Variants in FMN1 observed in about 807,000 individuals in gnomAD.
FMN1 encodes the protein formin-1.
In FMN1, 110 loss-of-function variants were observed where a neutral mutation model predicts 132.4. The ratio of observed to expected loss-of-function variants is 0.83; its 90% confidence interval spans 0.71 to 0.97. FMN1 has a LOEUF of 0.97. Among genes scored for constraint, FMN1 ranks in the 50% least tolerant of loss-of-function variants. The probability of loss-of-function intolerance (pLI) is 0.00; values close to 1 mark genes in which losing one functional copy is unlikely to be tolerated. For synonymous variants in FMN1, 722 were observed against 651.7 expected (o/e 1.11, Z -1.64); for missense variants, 1,792 against 1,705.3 (o/e 1.05, Z -0.90).
At chr15:32,870,406 G>A (rs1436385599) in intron 16 of FMN1, among the ~76,000 whole-genome samples, 1 of 152,206 alleles carries the variant, frequency 6.6e-6, no homozygotes, top group African/African-American at 2.4e-5. Flanking sequence ...CACTGAGGGA[G>A]GCTGCCCAAG....
intron 4 of FMN1, among the ~76,000 whole-genome samples, chr15:33,096,598 A>G (rs548008690): frequency 1.1e-4 from 17 of 151,108 alleles, no homozygotes; most frequent in Non-Finnish European, 2.5e-4. Flanking sequence ...CTCCCAACAA[A>G]TCTACTTTTT....
chr15:33,002,896 G>A (rs1480234840), intron 7 of FMN1, among the ~76,000 whole-genome samples: 1 of 152,146 alleles, frequency 6.6e-6, no homozygotes, highest in Non-Finnish European at 1.5e-5. Flanking sequence ...TAAAACTACA[G>A]CTAAGTGTTC....
At chr15:33,015,372 A>C (rs977256803) in intron 6 of FMN1, among the ~76,000 whole-genome samples, 1 of 152,180 alleles carries the variant, frequency 6.6e-6, no homozygotes, top group Non-Finnish European at 1.5e-5. Context: ...TGTGAATTTC[A>C]ATGGCTGGCA....
At chr15:33,004,438 A>G (rs1283658116) in intron 7 of FMN1, among the ~76,000 whole-genome samples, 1 of 152,210 alleles carries the variant, frequency 6.6e-6, no homozygotes, top group Non-Finnish European at 1.5e-5. Flanking sequence ...CACATGAAAA[A>G]ATGCTCACCA....
intron 6 of FMN1, among the ~76,000 whole-genome samples, chr15:33,016,816 A>G (rs1463548153): frequency 1.3e-5 from 2 of 152,158 alleles, no homozygotes; most frequent in African/African-American, 4.8e-5. Flanking sequence ...AAAGGCTTTG[A>G]CGCAGGAGAT....
chr15:33,096,439 G>A (rs980753762), intron 4 of FMN1, among the ~76,000 whole-genome samples: 5 of 152,088 alleles, frequency 3.3e-5, no homozygotes, highest in African/African-American at 9.7e-5. Context: ...GCTAAGAAAT[G>A]GCCTCTATAA....
chr15:33,048,644 A>AAAAAAAAAAAAAACAAAAAAAACAAAAAC, intron 6 of FMN1, among the ~76,000 whole-genome samples: 1 of 86,920 alleles, frequency 1.2e-5, no homozygotes, highest in Non-Finnish European at 2.4e-5. Context: ...AAAAAAAAAA[A>AAAAAAAAAAAAAACAAAAAAAACAAAAAC]AAAAACCAAC....
chr15:32,838,681 A>G (rs1458294350), intron 17 of FMN1, among the ~76,000 whole-genome samples: 1 of 152,236 alleles, frequency 6.6e-6, no homozygotes, highest in Non-Finnish European at 1.5e-5. Flanking sequence ...ATATTACCCT[A>G]CAGATCTCTA....
At chr15:32,976,671 T>A (rs1047618857) in intron 7 of FMN1, among the ~76,000 whole-genome samples, 1 of 152,178 alleles carries the variant, frequency 6.6e-6, no homozygotes, top group African/African-American at 2.4e-5. Context: ...ATTTGACACA[T>A]TTCTGTAATT....
At chr15:32,949,942 T>TATATATATATATATATATATATACAC (rs2061589419) in intron 9 of FMN1, among the ~76,000 whole-genome samples, 3 of 41,796 alleles carry the variant, frequency 7.2e-5, no homozygotes, top group Non-Finnish European at 9.0e-5. Context: ...CCAAAAAGCA[T>TATATATATATATATATATATATACAC]ATATATATAT....
rs779170587 is a variant in FMN1, at chr15:32,969,265, G to A, written c.2436C>T (p.Phe812=). 3 of 1,613,964 alleles carry A rather than the reference G, an allele frequency of 1.9e-6. No individual in the cohort carries two copies. The highest frequency in any genetic ancestry group is 1.1e-5 in the South Asian group (1 of 91,080). The change falls in exon 8 of 21, where the codon TTC becomes TTT. Residue 812 remains phenylalanine, a synonymous_variant. Coordinates refer to ENST00000616417, the MANE Select transcript of FMN1 (RefSeq NM_001277313.2). ...TGCTTTCACTTTCACAGGGCTTGAG[G>A]AAGGTCTCTCTGTCTGTCTGGACGC... ...NVCVQTDRET[F]LKPCESESKT... is the part of the protein sequence containing the mutation.
chr15:32,826,273 G>C (rs967996441), intron 17 of FMN1, among the ~76,000 whole-genome samples: 14 of 152,140 alleles, frequency 9.2e-5, no homozygotes, highest in East Asian at 3.9e-4. Flanking sequence ...ACAGCCCATA[G>C]AGAAGCAGCT....
intron 20 of FMN1, among the ~76,000 whole-genome samples, chr15:32,775,154 T>A (rs1429600154): frequency 6.6e-6 from 1 of 152,238 alleles, no homozygotes; most frequent in African/African-American, 2.4e-5. Flanking sequence ...TAGCTGCTTA[T>A]GAGCTATGAG....
chr15:32,905,881 AG>A (rs61694120), intron 12 of FMN1, among the ~76,000 whole-genome samples: 15,105 of 152,186 alleles, frequency 0.099, 971 homozygotes, highest in African/African-American at 0.18. Flanking sequence ...AAATGCACCC[AG>A]GTCTGAAGGC....
At chr15:32,989,164 G>A (rs1466546671) in intron 7 of FMN1, among the ~76,000 whole-genome samples, 1 of 152,114 alleles carries the variant, frequency 6.6e-6, no homozygotes, top group Non-Finnish European at 1.5e-5. Flanking sequence ...AGACCAACCA[G>A]TGATTAATTT....
chr15:32,978,456 CTA>C (rs2032388254), intron 7 of FMN1, among the ~76,000 whole-genome samples: 1 of 152,144 alleles, frequency 6.6e-6, no homozygotes, highest in African/African-American at 2.4e-5. Context: ...CTTTCAGACT[CTA>C]TTTTTCCAAA....
intron 17 of FMN1, among the ~76,000 whole-genome samples, chr15:32,842,294 A>G (rs1216919665): frequency 6.6e-6 from 1 of 151,634 alleles, no homozygotes; most frequent in Non-Finnish European, 1.5e-5. Flanking sequence ...ATGCCCAGCC[A>G]AGCCCCACCC....
intron 4 of FMN1, among the ~76,000 whole-genome samples, chr15:33,114,324 C>A (rs143581465): frequency 9.5e-4 from 145 of 152,330 alleles, no homozygotes; most frequent in African/African-American, 3.2e-3. Context: ...AGCCTAACTT[C>A]TGGACAGTGA....
intron 19 of FMN1, among the ~76,000 whole-genome samples, chr15:32,792,205 C>T (rs112486162): frequency 0.14 from 20,956 of 147,844 alleles, 1,505 homozygotes; most frequent in Middle Eastern, 0.22. Flanking sequence ...TTTGGGAGGC[C>T]GAGGCGGGCA....
Sources: gnomAD v4.1 joint callset for allele counts (sites outside exome capture counted in the v4.1 genomes callset) on GRCh38, gnomAD v4.1.1 for gene constraint, MANE v1.5 for transcripts, NCBI Gene and HGNC (gene_info 2026-07-23, HGNC 2026-07-21) for gene names.